ZFYVE26: variants seen among roughly 807,000 people sequenced by gnomAD.
ZFYVE26 encodes the protein zinc finger FYVE-type containing 26, also known as zinc finger FYVE domain-containing protein 26.
In ZFYVE26, 181 loss-of-function variants were observed where a neutral mutation model predicts 276.5. That is an observed-to-expected ratio of 0.65 (90% CI 0.58 to 0.74). The LOEUF is 0.74. Ranked by LOEUF, ZFYVE26 falls within the 30% of genes least tolerant of loss-of-function variation. The pLI is 0.00. For missense variants in ZFYVE26, 2,821 were observed against 3,097.9 expected, an observed-to-expected ratio of 0.91 and a Z score of 2.12; for synonymous variants, 1,129 against 1,203.1, an observed-to-expected ratio of 0.94 and a Z score of 1.27.
chr14:67,783,409 G>C lies in ZFYVE26; in HGVS notation c.3743C>G (p.Ser1248Cys), dbSNP rs775177654. Residue 1248 changes from serine to cysteine, a missense_variant, in exon 21 of 42, where the codon TCC becomes TGC. By Grantham distance (112) the Ser-to-Cys change is moderately radical. Coordinates refer to ENST00000347230, the MANE Select transcript of ZFYVE26 (RefSeq NM_015346.4). ...CAGAGTACCCAGACGAGTCAGGAGGGAGGAGGTCTGCTGGCTTTGCCGGGA... is the reference window on the plus strand; with the variant it reads ...CAGAGTACCCAGACGAGTCAGGAGGCAGGAGGTCTGCTGGCTTTGCCGGGA... Reference protein sequence around the residue: ...CSSRQSQQTSSLLTRLGTLAQ... With the variant: ...CSSRQSQQTSCLLTRLGTLAQ... 5.0e-6 allele frequency: 8 copies of C among 1,614,096 alleles called. No individual in the cohort carries two copies. The highest frequency in any genetic ancestry group is 5.1e-6 in the Non-Finnish European group (6 of 1,180,052).
chr14:67,766,583 C>T, intron 31 of ZFYVE26, 136 bp from the exon 32 acceptor site: 2 of 794,192 alleles, frequency 2.5e-6, no homozygotes, highest in Non-Finnish European at 4.1e-6. Flanking sequence ...CCAGATTCTA[C>T]AAGAAAGCAG....
chr14:67,750,031 C>T (rs1193593660), intron 41 of ZFYVE26, among the ~76,000 whole-genome samples: 1 of 152,074 alleles, frequency 6.6e-6, no homozygotes, highest in African/African-American at 2.4e-5. Flanking sequence ...CGTGTCTTTC[C>T]CAGAAATAGC....
Position 67,767,788 on chromosome 14 carries a change from GACTCTCACCACA to G in ZFYVE26, c.5694_5705del (p.Val1899_Val1902del). The stretch of plus-strand genomic sequence containing the variant: ...TCCATTCCACCTCATCTGCTTTGGG[GACTCTCACCACA>G]AACGAGTATGGAGGGCTTTCATTCT... On this transcript the variant is annotated inframe_deletion, in exon 31 of 42. Coordinates refer to ENST00000347230, the MANE Select transcript of ZFYVE26 (RefSeq NM_015346.4). The G allele has an allele frequency of 6.2e-7, 1 of 1,614,140 alleles. No individual in the cohort carries two copies. The highest frequency in any genetic ancestry group is 8.5e-7 in the Non-Finnish European group (1 of 1,180,022).
At chr14:67,788,888 A>G (rs1468956030) in intron 16 of ZFYVE26, among the ~76,000 whole-genome samples, 2 of 152,180 alleles carry the variant, frequency 1.3e-5, no homozygotes, top group Non-Finnish European at 2.9e-5. Context: ...ATGCCTTCAC[A>G]TACCTGATTT....
chr14:67,754,239 A>G (rs989172888), intron 37 of ZFYVE26, 27 bp from the exon 38 acceptor site: 3 of 1,613,952 alleles, frequency 1.9e-6, no homozygotes, highest in Admixed American at 1.7e-5. Flanking sequence ...TGCACAGTCC[A>G]GCCTCATGAG....
Position 67,756,391 on chromosome 14 carries a change from G to A in ZFYVE26, c.6589-246C>T, listed in dbSNP as rs376956109. ...CCCTCACTGTCTCCAATTCCCTCCT[G>A]TGATTTTTCTCTTGAACCCACTCTA... On this transcript the variant is annotated intron_variant, in intron 35 of 41. Transcript: ENST00000347230. 7.3e-6 allele frequency: 4 copies of A among 550,796 alleles called. No homozygotes were observed. In the African/African-American group the frequency reaches 7.6e-5, roughly 10 times the overall value. The allele number at this position is 550,796 out of a possible 1,614,324, so 34.1% of individuals were successfully genotyped here.
At position 67,759,244 on chromosome 14, in the gene ZFYVE26, G is replaced by GAAA. The variant is rs1171265652; in HGVS notation, c.6588+2119_6588+2121dup. Among the ~76,000 whole-genome samples, 173 of 81,580 alleles carry GAAA rather than the reference G, an allele frequency of 2.1e-3. 1 individual carries two copies. The highest frequency in any genetic ancestry group is 7.6e-3 in the African/African-American group (154 of 20,154). The allele number at this position is 81,580 out of a possible 152,430, so 53.5% of individuals were successfully genotyped here. A position where few individuals can be genotyped will look rare whatever the true frequency, so the allele number is the denominator to read the frequency against. ...TGGGCGACAGAGCCAGACTCTGTCT[G>GAAA]AAAAAAAAAAAAAAAAAAAAAAGGA... On this transcript the variant is annotated intron_variant, in intron 35 of 41. Coordinates refer to ENST00000347230, the MANE Select transcript of ZFYVE26 (RefSeq NM_015346.4).
intron 3 of ZFYVE26, among the ~76,000 whole-genome samples, chr14:67,813,462 A>G (rs1262382572): frequency 6.6e-6 from 1 of 152,220 alleles, no homozygotes; most frequent in Non-Finnish European, 1.5e-5. Flanking sequence ...ATCTTTAAAA[A>G]AGGTAATTCC....
At chr14:67,808,134 A>G (rs2040224608) in intron 4 of ZFYVE26, among the ~76,000 whole-genome samples, 1 of 152,208 alleles carries the variant, frequency 6.6e-6, no homozygotes, top group Non-Finnish European at 1.5e-5. Flanking sequence ...GGAAGACACT[A>G]CTATTACTCC....
At chr14:67,782,059 A>G (rs1016636812) in intron 21 of ZFYVE26, among the ~76,000 whole-genome samples, 3 of 152,216 alleles carry the variant, frequency 2.0e-5, no homozygotes, top group African/African-American at 7.2e-5. Flanking sequence ...AAGAACACAC[A>G]GCCAGTCAGT....
intron 13 of ZFYVE26, chr14:67,735,310 T>C (rs558258366): frequency 2.4e-6 from 2 of 828,340 alleles, no homozygotes; most frequent in Admixed American, 1.7e-5. Flanking sequence ...CTCTCTGTAG[T>C]GTCTCGCCCG....
rs150917943 is a variant in ZFYVE26, at chr14:67,771,347, T to G, written c.5484+700A>C. Among the ~76,000 whole-genome samples, 1,156 of 152,356 alleles carry G rather than the reference T, an allele frequency of 7.6e-3. 8 individuals are homozygous for G. Among genetic ancestry groups the G allele is most frequent in the Non-Finnish European group, 0.012 (801 of 68,028 alleles). On this transcript the variant is annotated intron_variant, in intron 28 of 41. Transcript: ENST00000347230. The stretch of plus-strand genomic sequence containing the variant: ...GCTGCATGGTATTCCATGGTGTATA[T>G]GTACCACTTTTCTTTATCCAGTCTA...
In ZFYVE26 at chr14:67,752,540, CA is replaced by C; in HGVS notation, c.7189-15del. The C allele has an allele frequency of 6.2e-7, 1 of 1,614,048 alleles. No individual in the cohort carries two copies. The highest frequency in any genetic ancestry group is 2.2e-5 in the East Asian group (1 of 44,876). ...CAGCTGGAAGTCCTAGAACAGAACA[CA>C]ACATGATGGGCTTAGGAGCAGGAAA... On this transcript the variant is annotated splice_polypyrimidine_tract_variant and intron_variant, in intron 39 of 41. Transcript: ENST00000347230.
intron 37 of ZFYVE26, among the ~76,000 whole-genome samples, chr14:67,754,484 C>T (rs1201493342): frequency 6.6e-6 from 1 of 152,080 alleles, no homozygotes; most frequent in Non-Finnish European, 1.5e-5. Flanking sequence ...ACCTATGTGC[C>T]AGGTACAATA....
At chr14:67,735,261 A>G in intron 13 of ZFYVE26, 1 of 1,142,906 alleles carries the variant, frequency 8.7e-7, no homozygotes, top group South Asian at 1.2e-5. Context: ...CCTCAGCACT[A>G]CTCCTTCAGA....
At chr14:67,751,979 T>C (rs1469711753) in intron 40 of ZFYVE26, among the ~76,000 whole-genome samples, 1 of 152,194 alleles carries the variant, frequency 6.6e-6, no homozygotes, top group Non-Finnish European at 1.5e-5. Flanking sequence ...TGTGGCTCTG[T>C]TCACTCCACA....
chr14:67,802,198 G>A lies in ZFYVE26; in HGVS notation c.1520C>T (p.Ala507Val). The A allele has an allele frequency of 6.2e-7, 1 of 1,614,188 alleles. No individual in the cohort carries two copies. The highest frequency in any genetic ancestry group is 8.5e-7 in the Non-Finnish European group (1 of 1,180,034). The change falls in exon 10 of 42, where the codon GCC (alanine) becomes GTC (valine). Residue 507 changes from alanine (A) to valine (V), a missense_variant. Coordinates refer to ENST00000347230, the MANE Select transcript of ZFYVE26 (RefSeq NM_015346.4). ...LYQGFCAMKY[A>V]IYALCVNSHQ... ...TGAGTTTACACAGAGGGCATAGATG[G>A]CATACTTCATGGCACAGAAGCCCTG...
At chr14:67,812,649 G>C (rs1282766971) in intron 3 of ZFYVE26, among the ~76,000 whole-genome samples, 1 of 152,180 alleles carries the variant, frequency 6.6e-6, no homozygotes, top group Non-Finnish European at 1.5e-5. Context: ...TTGTGAACCT[G>C]GGAAAAACAA....
At chr14:67,793,910 C>A in intron 13 of ZFYVE26, 151 bp from the exon 14 acceptor site, 1 of 1,129,156 alleles carries the variant, frequency 8.9e-7, no homozygotes, top group Non-Finnish European at 1.3e-6. Context: ...AAATGAAGGG[C>A]AAACCTATGC....
Sources: allele counts gnomAD v4.1 joint callset (sites outside exome capture counted in the v4.1 genomes callset), GRCh38; gene constraint gnomAD v4.1.1; transcripts MANE v1.5; gene names NCBI Gene and HGNC (gene_info 2026-07-23, HGNC 2026-07-21).